Variants in SMARCAD1 observed in about 807,000 individuals in gnomAD.
SMARCAD1 encodes the protein SWI/SNF-related matrix-associated actin-dependent regulator of chromatin subfamily A containing DEAD/H box 1.
Under a neutral mutation model 127.1 loss-of-function variants are expected in SMARCAD1, and 25 were observed. The observed-to-expected ratio is 0.20, with a 90% CI of 0.14 to 0.27. SMARCAD1 has a LOEUF of 0.27. Ranked by LOEUF, SMARCAD1 falls within the 10% of genes least tolerant of loss-of-function variation. The probability of loss-of-function intolerance (pLI) is 1.00; values close to 1 mark genes in which losing one functional copy is unlikely to be tolerated. For missense variants in SMARCAD1, 807 were observed against 1,206.0 expected (o/e 0.67, Z 4.90); for synonymous variants, 400 against 396.9 (o/e 1.01, Z -0.09).
chr4:94,234,532 A>T (rs887206068), intron 4 of SMARCAD1, among the ~76,000 whole-genome samples: 1 of 152,236 alleles, frequency 6.6e-6, no homozygotes, highest in African/African-American at 2.4e-5. Context: ...AGGACAGTCC[A>T]TAACTAAGGA....
chr4:94,212,415 T>C (rs997242225), intron 2 of SMARCAD1, among the ~76,000 whole-genome samples: 6 of 152,186 alleles, frequency 3.9e-5, no homozygotes, highest in Non-Finnish European at 8.8e-5. Context: ...CGTCAAGTGA[T>C]CCACGTGCCT....
At chr4:94,242,698 G>A (rs1355975627) in intron 6 of SMARCAD1, among the ~76,000 whole-genome samples, 2 of 148,178 alleles carry the variant, frequency 1.3e-5, no homozygotes, top group Non-Finnish European at 3.0e-5. Context: ...GAGCCCAGGA[G>A]TTCAAGACCA....
rs1291460094 is a variant in SMARCAD1 at position 94,272,769 on chromosome 4, A to G, written c.1573-848A>G. ...ATTTGTTGATCTTCTTCTGTTGGAT[A>G]TGAATATTTAGGTTATTTCTTTTCT... On this transcript the variant is annotated intron_variant, in intron 11 of 23. Coordinates refer to ENST00000354268, the MANE Select transcript of SMARCAD1 (RefSeq NM_020159.5). Among the ~76,000 whole-genome samples the G allele has an allele frequency of 2.6e-5, 4 of 152,050 alleles. No homozygotes were observed. The South Asian group carries it at 6.2e-4, about 24-fold the overall frequency.
chr4:94,273,826 A>G (rs1408066193), intron 12 of SMARCAD1, 110 bp downstream of exon 12: 1 of 794,642 alleles, frequency 1.3e-6, no homozygotes, highest in Non-Finnish European at 2.1e-6. Flanking sequence ...CTTAGTTTGT[A>G]GAGATGAATA....
chr4:94,239,121 G>A (rs1190001603), intron 5 of SMARCAD1, among the ~76,000 whole-genome samples: 1 of 152,098 alleles, frequency 6.6e-6, no homozygotes, highest in Admixed American at 6.5e-5. Context: ...ATCATGGAAC[G>A]GACAGAACAG....
chr4:94,212,095 G>T (rs1254927395), intron 2 of SMARCAD1, among the ~76,000 whole-genome samples: 1 of 152,148 alleles, frequency 6.6e-6, no homozygotes, highest in African/African-American at 2.4e-5. Flanking sequence ...CTTGTCGTAG[G>T]CCCTCAATAA....
At chr4:94,208,305 T>G in intron 1 of SMARCAD1, 41 bp from the exon 2 acceptor site, 1 of 1,390,010 alleles carries the variant, frequency 7.2e-7, no homozygotes. Context: ...TCGTATATTG[T>G]TTTCATGGCC....
At chr4:94,244,628 A>G (rs893527714) in intron 6 of SMARCAD1, among the ~76,000 whole-genome samples, 16 of 152,154 alleles carry the variant, frequency 1.1e-4, no homozygotes, top group Admixed American at 2.6e-4. Context: ...CTTTTAAAAG[A>G]TATTGTTAAC....
At chr4:94,260,724 C>T (rs968328035) in intron 9 of SMARCAD1, among the ~76,000 whole-genome samples, 3 of 152,108 alleles carry the variant, frequency 2.0e-5, no homozygotes, top group East Asian at 1.9e-4. Flanking sequence ...TAAATGTTGC[C>T]GTTCATATAC....
At chr4:94,223,418 A>T (rs1744471872) in intron 2 of SMARCAD1, among the ~76,000 whole-genome samples, 1 of 151,734 alleles carries the variant, frequency 6.6e-6, no homozygotes, top group Non-Finnish European at 1.5e-5. Flanking sequence ...ACTGGAGCCC[A>T]GGAGGCGGAG....
In SMARCAD1 at chr4:94,278,431, G is replaced by A. The variant is rs931874180; in HGVS notation, c.2092G>A (p.Asp698Asn). 2 of 1,612,982 alleles carry A rather than the reference G, an allele frequency of 1.2e-6. No individual in the cohort carries two copies. The highest frequency in any genetic ancestry group is 8.5e-7 in the Non-Finnish European group (1 of 1,179,164). The change falls in exon 17 of 24, where the codon GAT becomes AAT. Residue 698 changes from aspartate (D) to asparagine (N), a missense_variant. By Grantham distance (23) the Asp-to-Asn change is conservative. Around this residue, in one of 8 missense-constraint regions of SMARCAD1, gnomAD observed 148 missense variants for 313.2 expected, o/e 0.47. Coordinates refer to ENST00000354268, the MANE Select transcript of SMARCAD1 (RefSeq NM_020159.5). ...TTTTTATTTTGCTCAGAAATCAGCA[G>A]ATGAGCAAAGCATATATGAAAAGGA... Reference protein sequence around the residue: ...RMFSSKTKSADEQSIYEKERI... With the variant: ...RMFSSKTKSANEQSIYEKERI...
At chr4:94,253,346 C>T (rs1257306648) in intron 9 of SMARCAD1, 1 of 1,315,098 alleles carries the variant, frequency 7.6e-7, no homozygotes, top group Middle Eastern at 2.1e-4. Context: ...CTGTTCTGAT[C>T]TGTTACTGCT....
chr4:94,285,464 A>G (rs1208795947), intron 23 of SMARCAD1, among the ~76,000 whole-genome samples: 2 of 152,180 alleles, frequency 1.3e-5, no homozygotes, highest in Non-Finnish European at 2.9e-5. Context: ...GAAAGGGTGC[A>G]TGTCAACTTA....
intron 10 of SMARCAD1, among the ~76,000 whole-genome samples, chr4:94,267,825 T>C (rs1441209063): frequency 6.6e-6 from 1 of 152,160 alleles, no homozygotes; most frequent in African/African-American, 2.4e-5. Flanking sequence ...TAACAGTAAA[T>C]TGGTGGTTCA....
At chr4:94,273,103 A>G (rs1235729329) in intron 11 of SMARCAD1, among the ~76,000 whole-genome samples, 2 of 152,102 alleles carry the variant, frequency 1.3e-5, no homozygotes, top group African/African-American at 4.8e-5. Context: ...ATGGCACCCA[A>G]CCTATTTAGG....
chr4:94,248,428 C>CAA, intron 6 of SMARCAD1: 1 of 455,930 alleles, frequency 2.2e-6, no homozygotes, highest in South Asian at 1.6e-5. Context: ...GTTCCCTCCT[C>CAA]AGCTGGTTGT....
intron 10 of SMARCAD1, among the ~76,000 whole-genome samples, chr4:94,267,381 A>G (rs996728291): frequency 6.6e-6 from 1 of 152,194 alleles, no homozygotes; most frequent in African/African-American, 2.4e-5. Context: ...CTTACGGGAC[A>G]TAAACTTTTG....
chr4:94,278,767 A>G (rs763191292), intron 18 of SMARCAD1, 34 bp downstream of exon 18: 5 of 1,605,138 alleles, frequency 3.1e-6, no homozygotes, highest in Non-Finnish European at 4.3e-6. Context: ...TATGTGAAAA[A>G]GAATCTTGTA....
intron 4 of SMARCAD1, among the ~76,000 whole-genome samples, chr4:94,234,471 A>G (rs1485337187): frequency 6.6e-6 from 1 of 152,174 alleles, no homozygotes; most frequent in Non-Finnish European, 1.5e-5. Context: ...AAGGGTTTTT[A>G]GTGGCATTTA....
Sources: gnomAD v4.1 joint callset for allele counts (sites outside exome capture counted in the v4.1 genomes callset) on GRCh38, gnomAD v4.1.1 for gene constraint, gnomAD v4.1.1 regional missense constraint, MANE v1.5 for transcripts, NCBI Gene and HGNC (gene_info 2026-07-23, HGNC 2026-07-21) for gene names.